The following KIF26B variants were observed in gnomAD, a reference collection of about 807,000 sequenced individuals.
KIF26B encodes the protein kinesin-like protein KIF26B.
In KIF26B, 63 loss-of-function variants were observed where a neutral mutation model predicts 151.2. The observed-to-expected ratio is 0.42, with a 90% CI of 0.34 to 0.51. The LOEUF is 0.51. Among genes scored for constraint, KIF26B ranks in the 20% least tolerant of loss-of-function variants. KIF26B has a pLI of 0.07. For missense variants in KIF26B, 2,813 were observed against 2,913.6 expected, an observed-to-expected ratio of 0.97 and a Z score of 0.79; for synonymous variants, 1,357 against 1,262.1, an observed-to-expected ratio of 1.08 and a Z score of -1.59.
intron 2 of KIF26B, among the ~76,000 whole-genome samples, chr1:245,213,049 GA>G (rs1669576359): frequency 6.6e-6 from 1 of 152,188 alleles, no homozygotes; most frequent in Admixed American, 6.5e-5. Flanking sequence ...TCCAAGGGGG[GA>G]GCAAATAAAA....
chr1:245,637,676 A>C (rs1444319489), intron 9 of KIF26B, among the ~76,000 whole-genome samples: 1 of 151,942 alleles, frequency 6.6e-6, no homozygotes, highest in Non-Finnish European at 1.5e-5. Context: ...TGATTTTCAT[A>C]ATGTGATAAA....
chr1:245,617,087 TGTTTG>T (rs2043599233), intron 9 of KIF26B, among the ~76,000 whole-genome samples: 1 of 90,314 alleles, frequency 1.1e-5, no homozygotes, highest in African/African-American at 3.1e-5. Flanking sequence ...TCTGTTTTTT[TGTTTG>T]TTTGTTTGTT....
rs77893603 is a variant in KIF26B at position 245,244,662 on chromosome 1, C to T, written c.465+87979C>T. Among the ~76,000 whole-genome samples, 12,100 of 151,898 alleles carry T rather than the reference C, an allele frequency of 0.08. 623 individuals carry two copies. The highest frequency in any genetic ancestry group is 0.13 in the Middle Eastern group (38 of 294). On this transcript the variant is annotated intron_variant, in intron 2 of 14. Transcript: ENST00000407071. This position sits in a 1 kb window ranked among gnomAD's most constrained non-coding sequence, Gnocchi z 4.2. ...CAATGTGACACCCGTCTTCTCTGTC[C>T]TCTCTCTTCATACTGTTGTCTTAGG...
At chr1:245,164,605 G>C (rs938557497) in intron 2 of KIF26B, among the ~76,000 whole-genome samples, 2 of 152,236 alleles carry the variant, frequency 1.3e-5, no homozygotes, top group African/African-American at 4.8e-5. Context: ...ATGGGGAACT[G>C]AAGTCGCACA....
chr1:245,562,027 C>T (rs1180987259), intron 5 of KIF26B, among the ~76,000 whole-genome samples: 2 of 152,134 alleles, frequency 1.3e-5, no homozygotes, highest in East Asian at 3.9e-4. Flanking sequence ...GCAGCTGTTT[C>T]ATACCCAGAT....
At chr1:245,332,721 G>T (rs576059362) in intron 2 of KIF26B, among the ~76,000 whole-genome samples, 3 of 152,146 alleles carry the variant, frequency 2.0e-5, no homozygotes, top group African/African-American at 7.2e-5. Context: ...AGGAGTGCTG[G>T]CTGGTTTGCT....
At chr1:245,613,065 C>G (rs888613078) in intron 9 of KIF26B, among the ~76,000 whole-genome samples, 4 of 152,124 alleles carry the variant, frequency 2.6e-5, no homozygotes, top group African/African-American at 9.7e-5. Context: ...TTGTGGGTAA[C>G]GGGGCTGCTG....
Position 245,699,054 on chromosome 1 carries a change from T to C in KIF26B, c.6178+17T>C. 1 of 1,609,836 alleles carries C rather than the reference T, an allele frequency of 6.2e-7. No individual in the cohort carries two copies. Among genetic ancestry groups the C allele is most frequent in the Non-Finnish European group, 8.5e-7 (1 of 1,177,260 alleles). On this transcript the variant is annotated intron_variant, in intron 14 of 14. Transcript: ENST00000407071. The stretch of plus-strand genomic sequence containing the variant: ...TCAGTGAATGTAAGGCCGGGGTGCC[T>C]TCCCACCCTTGTGACTAGTGGGTTC...
chr1:245,474,110 C>CT (rs35748378), intron 4 of KIF26B, among the ~76,000 whole-genome samples: 15 of 111,242 alleles, frequency 1.3e-4, no homozygotes, highest in African/African-American at 4.0e-4. Context: ...ACAGTAGGTC[C>CT]TTTTTTTTTT....
At chr1:245,312,932 C>T (rs11581584) in intron 2 of KIF26B, among the ~76,000 whole-genome samples, 7,860 of 152,162 alleles carry the variant, frequency 0.052, 271 homozygotes, top group Middle Eastern at 0.095. Context: ...GAGGCTGAGG[C>T]GGGCAGATCA....
At chr1:245,221,159 G>A (rs1159853820) in intron 2 of KIF26B, among the ~76,000 whole-genome samples, 2 of 151,940 alleles carry the variant, frequency 1.3e-5, no homozygotes, top group Non-Finnish European at 2.9e-5. Context: ...AAGAAAGTGT[G>A]TAGCCTATAT....
intron 2 of KIF26B, among the ~76,000 whole-genome samples, chr1:245,260,511 C>A (rs1426820699): frequency 6.6e-6 from 1 of 152,190 alleles, no homozygotes; most frequent in African/African-American, 2.4e-5. Context: ...AATAAGTATA[C>A]TTTGACATTT....
At chr1:245,249,500 T>C (rs1670403036) in intron 2 of KIF26B, among the ~76,000 whole-genome samples, 2 of 148,808 alleles carry the variant, frequency 1.3e-5, no homozygotes, top group African/African-American at 5.0e-5. Flanking sequence ...TTTTTTTTTT[T>C]TTTTTTTTTT....
At chr1:245,565,991 ACT>A (rs934200377) in intron 5 of KIF26B, among the ~76,000 whole-genome samples, 8 of 152,050 alleles carry the variant, frequency 5.3e-5, no homozygotes, top group Non-Finnish European at 8.8e-5. Flanking sequence ...GAGGCCCCAG[ACT>A]CTTTAAAACA....
chr1:245,334,481 A>C (rs1672182820), intron 2 of KIF26B, among the ~76,000 whole-genome samples: 1 of 152,194 alleles, frequency 6.6e-6, no homozygotes, highest in Non-Finnish European at 1.5e-5. Flanking sequence ...AATTCCGATC[A>C]GTCAGTCCCT....
intron 9 of KIF26B, among the ~76,000 whole-genome samples, chr1:245,612,906 C>T (rs959301589): frequency 2.1e-4 from 32 of 152,122 alleles, no homozygotes; most frequent in African/African-American, 6.8e-4. Flanking sequence ...AAAGTCAGCC[C>T]GGGCTGGGGT....
intron 2 of KIF26B, among the ~76,000 whole-genome samples, chr1:245,357,956 GC>G (rs1333513375): frequency 6.6e-6 from 1 of 152,140 alleles, no homozygotes; most frequent in Non-Finnish European, 1.5e-5. Flanking sequence ...TCGCTCTGCT[GC>G]CCAGATTAGA....
intron 4 of KIF26B, among the ~76,000 whole-genome samples, chr1:245,486,571 A>T (rs1031394606): frequency 3.3e-5 from 5 of 152,250 alleles, no homozygotes; most frequent in African/African-American, 9.6e-5. Flanking sequence ...TATCTCATTT[A>T]GTGCTCACAG....
chr1:245,183,631 G>A (rs536480212), intron 2 of KIF26B, among the ~76,000 whole-genome samples: 22 of 152,300 alleles, frequency 1.4e-4, no homozygotes, highest in African/African-American at 5.3e-4. Flanking sequence ...ACTGACGTAA[G>A]AATTTGGCAC....
Sources: allele counts gnomAD v4.1 joint callset (sites outside exome capture counted in the v4.1 genomes callset), GRCh38; gene constraint gnomAD v4.1.1; non-coding constraint Gnocchi (gnomAD v3.1); transcripts MANE v1.5; gene names NCBI Gene and HGNC (gene_info 2026-07-23, HGNC 2026-07-21).